The following UBAC2 variants were observed in gnomAD, a reference collection of about 807,000 sequenced individuals.
UBAC2 encodes the protein UBA domain containing 2, also known as ubiquitin-associated domain-containing protein 2.
A neutral mutation model predicts 44.0 loss-of-function variants in UBAC2; 26 were observed. The observed-to-expected ratio is 0.59, with a 90% CI of 0.43 to 0.82. The LOEUF (loss-of-function observed/expected upper bound fraction) is 0.82, where lower values mean the gene tolerates loss of function less well. Ranked by LOEUF, UBAC2 falls within the 40% of genes least tolerant of loss-of-function variation. The pLI, the probability that UBAC2 is intolerant of heterozygous loss-of-function variation, is 0.00. For missense variants in UBAC2, 329 were observed against 419.4 expected (o/e 0.78, Z 1.88); for synonymous variants, 155 against 154.3 (o/e 1.00, Z -0.04).
In UBAC2 at chr13:99,290,979, G is replaced by A. The variant is rs1427664037; in HGVS notation, c.390-23118G>A. On this transcript the variant is annotated intron_variant, in intron 4 of 8. Transcript: ENST00000403766. ...GGCCCTGGAGGACATAGGACAGGGA[G>A]GAATGGAGCTCAGGCTACAGGGTGG... 6.6e-5 allele frequency among the ~76,000 whole-genome samples: 10 copies of A among 152,266 alleles called. No individual in the cohort carries two copies. In the East Asian group the frequency reaches 1.9e-3, roughly 29 times the overall value.
chr13:99,352,373 C>T (rs1661050998), intron 7 of UBAC2, among the ~76,000 whole-genome samples: 1 of 152,240 alleles, frequency 6.6e-6, no homozygotes, highest in Non-Finnish European at 1.5e-5. Flanking sequence ...ACTTAATCTA[C>T]TTTCTGTCTC....
intron 1 of UBAC2, among the ~76,000 whole-genome samples, chr13:99,227,139 A>C (rs1393553103): frequency 6.6e-6 from 1 of 152,054 alleles, no homozygotes; most frequent in Non-Finnish European, 1.5e-5. Context: ...CAGAGGTTGC[A>C]ATGAGCCGAG....
intron 4 of UBAC2, among the ~76,000 whole-genome samples, chr13:99,283,574 A>G (rs958359876): frequency 2.0e-5 from 3 of 152,128 alleles, no homozygotes; most frequent in Non-Finnish European, 4.4e-5. Flanking sequence ...AGATGTTGCT[A>G]TTGCTGTGTT....
chr13:99,238,316 A>G (rs1399354592), intron 1 of UBAC2, 111 bp from the exon 2 acceptor site: 12 of 1,389,802 alleles, frequency 8.6e-6, no homozygotes, highest in Middle Eastern at 1.9e-4. Context: ...GAGTTTCTGG[A>G]CTTTGTCTTC....
At chr13:99,242,879 C>T (rs1458871441) in intron 2 of UBAC2, among the ~76,000 whole-genome samples, 11 of 150,644 alleles carry the variant, frequency 7.3e-5, no homozygotes, top group East Asian at 5.9e-4. Flanking sequence ...GACGGGGCGG[C>T]GGGGCAGAGG....
At chr13:99,381,846 A>C (rs1376077552) in intron 8 of UBAC2, among the ~76,000 whole-genome samples, 1 of 152,234 alleles carries the variant, frequency 6.6e-6, no homozygotes, top group Non-Finnish European at 1.5e-5. Flanking sequence ...ACCAAGTGGC[A>C]GAATTGAAGT....
At chr13:99,215,282 T>C in intron 1 of UBAC2, 1 of 710,856 alleles carries the variant, frequency 1.4e-6, no homozygotes, top group South Asian at 1.6e-5. Flanking sequence ...AATTGTGTTT[T>C]TCACAGAAAT....
intron 6 of UBAC2, among the ~76,000 whole-genome samples, chr13:99,327,001 A>AT (rs766040826): frequency 6.6e-6 from 1 of 152,030 alleles, no homozygotes; most frequent in Non-Finnish European, 1.5e-5. Context: ...GCCAAGGAAA[A>AT]TTTTTTCTCA....
intron 4 of UBAC2, among the ~76,000 whole-genome samples, chr13:99,303,788 T>C (rs373092915): frequency 3.5e-4 from 53 of 152,324 alleles, no homozygotes; most frequent in Non-Finnish European, 7.3e-4. Context: ...GGGAGGAACA[T>C]TAAATATCAT....
chr13:99,353,504 A>G (rs2045128051), intron 7 of UBAC2, among the ~76,000 whole-genome samples: 1 of 152,242 alleles, frequency 6.6e-6, no homozygotes, highest in Admixed American at 6.5e-5. Flanking sequence ...GTACAGTCTC[A>G]TGATACCTCA....
intron 4 of UBAC2, among the ~76,000 whole-genome samples, chr13:99,260,387 G>A (rs1010758686): frequency 6.6e-6 from 1 of 152,154 alleles, no homozygotes. Flanking sequence ...ATTTCTGACT[G>A]AACAAGTAGG....
chr13:99,298,513 G>A (rs1594101762), intron 4 of UBAC2, among the ~76,000 whole-genome samples: 2 of 152,220 alleles, frequency 1.3e-5, no homozygotes, highest in East Asian at 3.9e-4. Context: ...TAGATATAAA[G>A]CCTTGAATGC....
chr13:99,234,024 A>C (rs887805864), intron 1 of UBAC2, among the ~76,000 whole-genome samples: 9 of 152,056 alleles, frequency 5.9e-5, no homozygotes, highest in African/African-American at 2.2e-4. Flanking sequence ...GAGTGAAAAC[A>C]GAGCTCCCAT....
chr13:99,313,772 A>G (rs908184875), intron 4 of UBAC2, among the ~76,000 whole-genome samples: 1 of 152,172 alleles, frequency 6.6e-6, no homozygotes, highest in East Asian at 1.9e-4. Context: ...GCTGCTTTCG[A>G]TTTGTCTAGT....
intron 1 of UBAC2, among the ~76,000 whole-genome samples, chr13:99,232,399 G>GAGATAGATATGTATATATAT (rs1367302629): frequency 9.1e-6 from 1 of 109,902 alleles, no homozygotes; most frequent in Non-Finnish European, 2.1e-5. Context: ...TTAGTTGAGA[G>GAGATAGATATGTATATATAT]ATATAGATAT....
At chr13:99,314,532 T>C (rs748888818) in intron 5 of UBAC2, among the ~76,000 whole-genome samples, 3 of 152,212 alleles carry the variant, frequency 2.0e-5, no homozygotes, top group Admixed American at 1.3e-4. Context: ...TAGTATGAAG[T>C]GGAAACAAAT....
At chr13:99,292,986 A>G (rs2044112685) in intron 4 of UBAC2, among the ~76,000 whole-genome samples, 1 of 152,206 alleles carries the variant, frequency 6.6e-6, no homozygotes, top group Non-Finnish European at 1.5e-5. Context: ...AAGCTAACTA[A>G]TAACAAGACA....
chr13:99,348,148 C>G (rs1385734387), intron 7 of UBAC2, among the ~76,000 whole-genome samples: 1 of 152,102 alleles, frequency 6.6e-6, no homozygotes, highest in Non-Finnish European at 1.5e-5. Flanking sequence ...TTGTTCATCC[C>G]CAGTAGAATA....
chr13:99,337,848 C>T (rs1409318641), intron 6 of UBAC2, among the ~76,000 whole-genome samples: 1 of 152,048 alleles, frequency 6.6e-6, no homozygotes, highest in African/African-American at 2.4e-5. Flanking sequence ...CTTACCCAGA[C>T]TTAAGTAACC....
Sources: gnomAD v4.1 joint callset for allele counts (sites outside exome capture counted in the v4.1 genomes callset) on GRCh38, gnomAD v4.1.1 for gene constraint, MANE v1.5 for transcripts, NCBI Gene and HGNC (gene_info 2026-07-23, HGNC 2026-07-21) for gene names.